The following KICS2 variants were observed in gnomAD, a reference collection of about 807,000 sequenced individuals.
KICS2 encodes the protein KICSTOR complex protein C12orf66.
A neutral mutation model predicts 31.4 loss-of-function variants in KICS2; 13 were observed. The ratio of observed to expected loss-of-function variants is 0.41; its 90% CI spans 0.27 to 0.66. The LOEUF (loss-of-function observed/expected upper bound fraction) is 0.66, where lower values mean the gene tolerates loss of function less well. Ranked by LOEUF, KICS2 falls within the 30% of genes least tolerant of loss-of-function variation. KICS2 has a pLI of 0.28. For synonymous variants in KICS2, 209 were observed against 214.8 expected (o/e 0.97, Z 0.24); for missense variants, 455 against 545.4 (o/e 0.83, Z 1.65).
chr12:64,215,545 TA>T, intron 2 of KICS2, 132 bp downstream of exon 2: 1 of 855,618 alleles, frequency 1.2e-6, no homozygotes, highest in Non-Finnish European at 1.8e-6. Flanking sequence ...TGAATATGTA[TA>T]AAATGTAATC....
At chr12:64,207,000 T>TA (rs2037544512) in intron 2 of KICS2, among the ~76,000 whole-genome samples, 1 of 151,932 alleles carries the variant, frequency 6.6e-6, no homozygotes, top group South Asian at 2.1e-4. Context: ...ACTGGATACA[T>TA]AAAAAAAGTT....
chr12:64,215,796 C>A lies in KICS2; in HGVS notation c.403G>T (p.Ala135Ser), dbSNP rs766043458. Reference protein sequence around the residue: ...LSEQLCFFVQARMEIADFYEK... With the variant: ...LSEQLCFFVQSRMEIADFYEK... ...TAGAAGTCTGCTATCTCCATCCGAG[C>A]CTGAACAAAGAAGCAGAGCTGCTCT... The change falls in exon 2 of 3, where the codon GCT (alanine) becomes TCT (serine). Residue 135 changes from alanine (A) to serine (S), a missense_variant. Coordinates refer to ENST00000398055, the MANE Select transcript of KICS2 (RefSeq NM_152440.5). 3 of 1,614,076 alleles carry A rather than the reference C, an allele frequency of 1.9e-6. No homozygotes were observed. The highest frequency in any genetic ancestry group is 2.2e-5 in the South Asian group (2 of 91,070).
chr12:64,214,452 T>C (rs1467174114), intron 2 of KICS2, among the ~76,000 whole-genome samples: 1 of 152,196 alleles, frequency 6.6e-6, no homozygotes, highest in African/African-American at 2.4e-5. Flanking sequence ...ATAACTACAG[T>C]AAGAACTTAT....
At chr12:64,212,996 T>C (rs1473954999) in intron 2 of KICS2, among the ~76,000 whole-genome samples, 1 of 145,100 alleles carries the variant, frequency 6.9e-6, no homozygotes, top group East Asian at 2.0e-4. Flanking sequence ...TGGGCTGGGG[T>C]GGGAAGGTCG....
At chr12:64,208,428 C>G (rs2037558036) in intron 2 of KICS2, among the ~76,000 whole-genome samples, 1 of 152,186 alleles carries the variant, frequency 6.6e-6, no homozygotes, top group Non-Finnish European at 1.5e-5. Flanking sequence ...TTGCTTAAGT[C>G]TTCACTATTA....
chr12:64,211,297 C>A (rs1247762032), intron 2 of KICS2, among the ~76,000 whole-genome samples: 1 of 152,060 alleles, frequency 6.6e-6, no homozygotes, highest in Admixed American at 6.6e-5. Context: ...ATATGCATAG[C>A]CTATTTCTCA....
At chr12:64,214,723 CA>C (rs1192831335) in intron 2 of KICS2, among the ~76,000 whole-genome samples, 1 of 151,390 alleles carries the variant, frequency 6.6e-6, no homozygotes, top group Non-Finnish European at 1.5e-5. Flanking sequence ...ACTAAAAATA[CA>C]AAAAAAATTA....
chr12:64,211,070 C>T (rs1194735651), intron 2 of KICS2, among the ~76,000 whole-genome samples: 4 of 151,998 alleles, frequency 2.6e-5, no homozygotes, highest in South Asian at 2.1e-4. Context: ...TTAAGCTTCC[C>T]GAAGAGTTCA....
intron 2 of KICS2, among the ~76,000 whole-genome samples, chr12:64,202,251 C>A (rs1467580782): frequency 1.3e-5 from 2 of 152,048 alleles, no homozygotes; most frequent in Non-Finnish European, 2.9e-5. Flanking sequence ...ACAAAACATT[C>A]AAAAATTAGT....
downstream of KICS2, among the ~76,000 whole-genome samples, chr12:64,190,765 G>GA (rs1288408476): frequency 2.0e-5 from 3 of 151,642 alleles, no homozygotes; most frequent in Non-Finnish European, 4.4e-5. Context: ...AAGAAAGAAA[G>GA]AAAGAAAAGA....
downstream of KICS2, among the ~76,000 whole-genome samples, chr12:64,188,299 A>C (rs145030296): frequency 6.6e-6 from 1 of 152,160 alleles, no homozygotes; most frequent in Non-Finnish European, 1.5e-5. Flanking sequence ...CTAGGTGGGC[A>C]GATCACCTGA....
rs1387053127 is a variant in KICS2, at chr12:64,191,417, G to A, written c.*2425C>T. On this transcript the variant is annotated 3_prime_UTR_variant, in exon 3 of 3. Transcript: ENST00000398055. Reference sequence around the variant, plus strand: ...TACAATTCAAATATGTTCTAGGTGAGGACTGGTTATTTAAATAACATATAT... The same window carrying A: ...TACAATTCAAATATGTTCTAGGTGAAGACTGGTTATTTAAATAACATATAT... 1.4e-4 allele frequency: 21 copies of A among 152,034 alleles called. No homozygotes were observed. The highest frequency in any genetic ancestry group is 4.6e-4 in the African/African-American group (19 of 41,472). 9.4% of individuals were successfully genotyped at this position (152,034 alleles called of 1,614,324 possible).
chr12:64,204,959 A>G (rs1441761889), intron 2 of KICS2: 1 of 152,234 alleles, frequency 6.6e-6, no homozygotes, highest in East Asian at 1.9e-4. Flanking sequence ...ATAAGTCTCA[A>G]AATCTTTGAA....
Position 64,222,276 on chromosome 12 carries a change from G to C in KICS2, c.-39C>G, listed in dbSNP as rs372053159. 1 of 1,603,564 alleles carries C rather than the reference G, an allele frequency of 6.2e-7. No individual in the cohort carries two copies. Among genetic ancestry groups the C allele is most frequent in the Non-Finnish European group, 8.5e-7 (1 of 1,175,180 alleles). ...CAGCTCGACCCACGTGGCTCTCCTC[G>C]GCCTCGCACTTCCGGGTTCTGAGGG... On this transcript the variant is annotated 5_prime_UTR_variant, in exon 1 of 3. Transcript: ENST00000398055.
rs965657528 is a variant in KICS2 at position 64,191,688 on chromosome 12, T to A, written c.*2154A>T. ...TTGTAAAATCTGCTGAGACTTTTTT[T>A]ATAGAACCTGAGTGAATAAAATGCA... On this transcript the variant is annotated 3_prime_UTR_variant, in exon 3 of 3. Coordinates refer to ENST00000398055, the MANE Select transcript of KICS2 (RefSeq NM_152440.5). 5 of 152,232 alleles carry A rather than the reference T, an allele frequency of 3.3e-5. No individual in the cohort carries two copies. The highest frequency in any genetic ancestry group is 1.3e-4 in the Admixed American group (2 of 15,284). 9.4% of individuals were successfully genotyped at this position (152,232 alleles called of 1,614,324 possible). A position where few individuals can be genotyped will look rare whatever the true frequency, so the allele number is the denominator to read the frequency against.
intron 2 of KICS2, chr12:64,204,949 A>G (rs1234247114): frequency 6.6e-6 from 1 of 152,254 alleles, no homozygotes; most frequent in Non-Finnish European, 1.5e-5. Flanking sequence ...CTGTTATAGA[A>G]TAAGTCTCAA....
At chr12:64,211,631 A>T (rs2136702953) in intron 2 of KICS2, among the ~76,000 whole-genome samples, 1 of 152,312 alleles carries the variant, frequency 6.6e-6, no homozygotes, top group South Asian at 2.1e-4. Flanking sequence ...AGAAAAAAAA[A>T]ACCTGCTAAC....
At chr12:64,209,102 G>C (rs1184625400) in intron 2 of KICS2, among the ~76,000 whole-genome samples, 1 of 152,028 alleles carries the variant, frequency 6.6e-6, no homozygotes, top group Non-Finnish European at 1.5e-5. Flanking sequence ...CTCCTCAAAA[G>C]TACTCAAGGA....
intron 2 of KICS2, among the ~76,000 whole-genome samples, chr12:64,195,494 TAAAG>T (rs1167783611): frequency 2.0e-5 from 3 of 152,188 alleles, no homozygotes; most frequent in Non-Finnish European, 4.4e-5. Context: ...AAATGTTTAT[TAAAG>T]AAATAGAGCA....
Sources: allele counts gnomAD v4.1 joint callset (sites outside exome capture counted in the v4.1 genomes callset), GRCh38; gene constraint gnomAD v4.1.1; transcripts MANE v1.5; gene names NCBI Gene and HGNC (gene_info 2026-07-23, HGNC 2026-07-21).